The following MARF1 variants were observed in gnomAD, a reference collection of about 807,000 sequenced individuals.
MARF1 encodes meiosis regulator and mRNA stability factor 1, also known as limkain-b1.
In MARF1, 24 loss-of-function variants were observed where a neutral mutation model predicts 168.2. The ratio of observed to expected loss-of-function variants is 0.14; its 90% CI spans 0.10 to 0.20. MARF1 has a LOEUF of 0.20. MARF1 is among the 10% of genes least tolerant of loss of function. The probability of loss-of-function intolerance (pLI) is 1.00; values close to 1 mark genes in which losing one functional copy is unlikely to be tolerated. For missense variants in MARF1, 1,744 were observed against 2,143.6 expected, an observed-to-expected ratio of 0.81 and a Z score of 3.68; for synonymous variants, 868 against 822.4, an observed-to-expected ratio of 1.06 and a Z score of -0.95.
rs200942732 is a variant in MARF1, at chr16:15,612,825, G to C, written c.3254-48C>G. 11 of 1,533,874 alleles carry C rather than the reference G, an allele frequency of 7.2e-6. No individual in the cohort carries two copies. The African/African-American group carries it at 1.5e-4, about 21-fold the overall frequency. ...AAGACAGAAAGCACAGATTTCACCA[G>C]CTGAAAGAAGGGAAAATGGCCCTGC... On this transcript the variant is annotated intron_variant, in intron 16 of 26. Transcript: ENST00000396368.
intron 15 of MARF1, among the ~76,000 whole-genome samples, chr16:15,616,433 C>T (rs539625109): frequency 6.6e-6 from 1 of 152,340 alleles, no homozygotes; most frequent in Admixed American, 6.5e-5. Flanking sequence ...TGTGTACTCT[C>T]AACACTTGTG....
At position 15,596,331 on chromosome 16, in the gene MARF1, G is replaced by A. The variant is rs917490908; in HGVS notation, c.*362C>T. The A allele has an allele frequency of 1.8e-5, 3 of 166,268 alleles. No individual in the cohort carries two copies. The highest frequency in any genetic ancestry group is 3.5e-4 in the East Asian group (2 of 5,766). 10.3% of individuals were successfully genotyped at this position (166,268 alleles called of 1,614,324 possible). Reference sequence around the variant, plus strand: ...CTACATGTAGGATGACACCACCGACGTGGCTCAATGGAAGCAAAACCGCTT... The same window carrying A: ...CTACATGTAGGATGACACCACCGACATGGCTCAATGGAAGCAAAACCGCTT... On this transcript the variant is annotated 3_prime_UTR_variant, in exon 27 of 27. Transcript: ENST00000396368.
In MARF1 at chr16:15,631,403, T is replaced by C; in HGVS notation, c.1329A>G (p.Pro443=). ...TACTTGACACAAGAACCACTGTGGC[T>C]GGAGCAGTGTGTGTATTTGCAAATC... ...LRRFANTHTA[P]ATVVLVSTDV... is the part of the protein sequence containing the mutation. Residue 443 remains proline, a synonymous_variant, in exon 6 of 27, where the codon CCA becomes CCG. Transcript: ENST00000396368. The C allele has an allele frequency of 6.2e-7, 1 of 1,611,794 alleles. No individual in the cohort carries two copies. Among genetic ancestry groups the C allele is most frequent in the Non-Finnish European group, 8.5e-7 (1 of 1,178,146 alleles).
At chr16:15,597,806 C>T (rs1485178216) in intron 26 of MARF1, among the ~76,000 whole-genome samples, 2 of 151,882 alleles carry the variant, frequency 1.3e-5, no homozygotes, top group African/African-American at 2.4e-5. Context: ...ACCCCACAAA[C>T]GAGCTAACAT....
chr16:15,625,618 T>C lies in MARF1; in HGVS notation c.1707A>G (p.Glu569=). Residue 569 remains glutamate (E), a synonymous_variant, in exon 8 of 27, where the codon GAA becomes GAG. Transcript: ENST00000396368. ...TCCTATTACCAAAGACATCTTCGTT[T>C]TCCATTCGCTTCTGAGCGCGCTCTG... ...DSAERAQKRM[E]NEDVFGNRII... The C allele has an allele frequency of 1.9e-6, 3 of 1,614,266 alleles. No individual in the cohort carries two copies.
intron 23 of MARF1, chr16:15,601,549 C>CATGT (rs1239947653): frequency 2.8e-5 from 7 of 250,760 alleles, no homozygotes; most frequent in African/African-American, 1.5e-4. Context: ...TGCATCTGCT[C>CATGT]ATGTCATCAT....
rs533476030 is a variant in MARF1 at position 15,603,736 on chromosome 16, A to G, written c.4413+432T>C. Among the ~76,000 whole-genome samples, 67 of 149,638 alleles carry G rather than the reference A, an allele frequency of 4.5e-4. 1 individual carries two copies. The South Asian group carries it at 0.014, about 32-fold the overall frequency. ...GCAGTATTCTCTTAAGATTCTCTCA[A>G]TCTTGGAGCGCCATTCTTGAAAGGC... On this transcript the variant is annotated intron_variant, in intron 22 of 26. Transcript: ENST00000396368.
At chr16:15,602,310 CAAAG>C (rs549067835) in intron 22 of MARF1, 107 bp from the exon 23 acceptor site, 532 of 867,610 alleles carry the variant, frequency 6.1e-4, no homozygotes, top group Non-Finnish European at 7.5e-4. Flanking sequence ...AAGACGAAGA[CAAAG>C]AAGAAAAAGA....
chr16:15,600,582 GA>G (rs1425070313), intron 24 of MARF1, 29 bp from the exon 25 acceptor site: 1 of 1,614,216 alleles, frequency 6.2e-7, no homozygotes, highest in Admixed American at 1.7e-5. Context: ...CCGTCAGAGA[GA>G]AATGTCAGTG....
At chr16:15,633,493 CCATGAATGCGTCACTGCACT>C in intron 5 of MARF1, 104 bp downstream of exon 5, 1 of 687,458 alleles carries the variant, frequency 1.5e-6, no homozygotes, top group Non-Finnish European at 2.4e-6. Flanking sequence ...CTGCAGGGAG[CCATGAATGCGTCACTGCACT>C]CCAGCCTGGG....
chr16:15,623,193 CTTTG>C, intron 10 of MARF1, 70 bp from the exon 11 acceptor site: 1 of 1,261,214 alleles, frequency 7.9e-7, no homozygotes, highest in Non-Finnish European at 1.1e-6. Flanking sequence ...ATCATTTAGG[CTTTG>C]TTTGAAACTA....
intron 2 of MARF1, among the ~76,000 whole-genome samples, chr16:15,636,640 C>T (rs1382063732): frequency 6.6e-6 from 1 of 152,168 alleles, no homozygotes; most frequent in African/African-American, 2.4e-5. Flanking sequence ...TCAGTAACTT[C>T]CTTTTGGTAA....
chr16:15,599,905 G>A (rs543736390), intron 25 of MARF1, among the ~76,000 whole-genome samples: 38 of 152,242 alleles, frequency 2.5e-4, no homozygotes, highest in African/African-American at 8.4e-4. Context: ...TTGCCGGCTC[G>A]CTCTAGAGTC....
intron 10 of MARF1, among the ~76,000 whole-genome samples, 155 bp downstream of exon 10, chr16:15,624,614 G>A (rs909529505): frequency 6.6e-6 from 1 of 152,186 alleles, no homozygotes; most frequent in African/African-American, 2.4e-5. Context: ...AAATGTTAAC[G>A]ATGATTACCT....
intron 26 of MARF1, among the ~76,000 whole-genome samples, chr16:15,597,374 A>G (rs2031833666): frequency 6.6e-6 from 1 of 152,170 alleles, no homozygotes; most frequent in Non-Finnish European, 1.5e-5. Context: ...GGCCTGCTCC[A>G]TTTAGAGAGG....
chr16:15,635,679 A>C lies in MARF1; in HGVS notation c.808T>G (p.Tyr270Asp). The C allele has an allele frequency of 4.3e-6, 7 of 1,613,934 alleles. No individual in the cohort carries two copies. Among genetic ancestry groups the C allele is most frequent in the Non-Finnish European group, 5.9e-6 (7 of 1,179,972 alleles). Residue 270 changes from tyrosine to aspartate, a missense_variant, in exon 3 of 27, where the codon TAC (tyrosine) becomes GAC (aspartate). Transcript: ENST00000396368. ...ACCTTGTTTAGACAGTCTTCGCAGT[A>C]AAGTGAGCCCTTTAAACAAACCGGA... ...VPPVCLKGSLYCEDCLNKPAR... is the reference protein window; with the variant it reads ...VPPVCLKGSLDCEDCLNKPAR...
In MARF1 at chr16:15,611,456, A is replaced by AC. The variant is rs1276730735; in HGVS notation, c.3617+135_3617+136insG. ...AGCGAGACTCCGTCTCAAAAAAAAA[A>AC]AAAAAAAAACAAAAAACTACTACAA... On this transcript the variant is annotated intron_variant, in intron 18 of 26. Transcript: ENST00000396368. The AC allele has an allele frequency of 9.9e-6, 8 of 808,136 alleles. No homozygotes were observed. In the Admixed American group the frequency reaches 1.2e-4, roughly 13 times the overall value. The allele number at this position is 808,136 out of a possible 1,614,324, so 50.1% of individuals were successfully genotyped here.
chr16:15,622,997 G>A lies in MARF1; in HGVS notation c.2397C>T (p.Asp799=). The A allele has an allele frequency of 6.2e-7, 1 of 1,606,426 alleles. No individual in the cohort carries two copies. Among genetic ancestry groups the A allele is most frequent in the Non-Finnish European group, 8.5e-7 (1 of 1,173,678 alleles). ...GCAGCTCCTTCCGGGATAATCTGTA[G>A]TCTATGTTGCTGACTTGGACATCAG... is the stretch of plus-strand genomic sequence containing the variant. ...NGADVQVSNI[D]YRLSRKELQQ... The change falls in exon 11 of 27, where the codon GAC becomes GAT. Residue 799 remains aspartate (D), a synonymous_variant. Coordinates refer to ENST00000396368, the MANE Select transcript of MARF1 (RefSeq NM_014647.4).
chr16:15,602,872 A>G (rs2032645120), intron 22 of MARF1: 2 of 295,340 alleles, frequency 6.8e-6, no homozygotes. Context: ...AAACACTGTG[A>G]TAAGAGGATG....
Sources: allele counts gnomAD v4.1 joint callset (sites outside exome capture counted in the v4.1 genomes callset), GRCh38; gene constraint gnomAD v4.1.1; transcripts MANE v1.5; gene names NCBI Gene and HGNC (gene_info 2026-07-23, HGNC 2026-07-21).